PLEKHN1: variants seen among roughly 807,000 people sequenced by gnomAD.
PLEKHN1 encodes the protein pleckstrin homology domain containing N1, also known as pleckstrin homology domain-containing family N member 1.
PLEKHN1 carries 68 observed loss-of-function variants against 72.8 expected under a neutral mutation model. The ratio of observed to expected loss-of-function variants is 0.93; its 90% CI spans 0.77 to 1.14. The LOEUF (loss-of-function observed/expected upper bound fraction) is 1.14, where lower values mean the gene tolerates loss of function less well. PLEKHN1 is among the 50% of genes most tolerant of loss of function. The probability of loss-of-function intolerance (pLI) is 0.00; values close to 1 mark genes in which losing one functional copy is unlikely to be tolerated. For missense variants in PLEKHN1, 1,015 were observed against 840.5 expected, an observed-to-expected ratio of 1.21 and a Z score of -2.57; for synonymous variants, 454 against 371.6, an observed-to-expected ratio of 1.22 and a Z score of -2.55.
chr1:972,758 T>G (rs1643405874), intron 10 of PLEKHN1, 103 bp from the exon 11 acceptor site: 1 of 1,380,332 alleles, frequency 7.2e-7, no homozygotes, highest in African/African-American at 1.5e-5. Context: ...AGAATAAGAC[T>G]TCGTCCCAAA....
At chr1:971,092 G>A (rs201680039) in intron 6 of PLEKHN1, 21 bp from the exon 7 acceptor site, 194 of 1,585,834 alleles carry the variant, frequency 1.2e-4, no homozygotes, top group Admixed American at 1.2e-3. Flanking sequence ...CTGCGGAGAC[G>A]AACTCCCCTG....
chr1:969,568 A>G (rs1032073275), intron 2 of PLEKHN1, among the ~76,000 whole-genome samples: 7 of 150,968 alleles, frequency 4.6e-5, no homozygotes, highest in African/African-American at 1.7e-4. Context: ...ATACATGTGT[A>G]TGGGTGTATT....
At position 966,729 on chromosome 1, in the gene PLEKHN1, G is replaced by T. The variant is rs775871856; in HGVS notation, c.109G>T (p.Gly37Cys). The T allele has an allele frequency of 6.4e-7, 1 of 1,572,940 alleles. No homozygotes were observed. The highest frequency in any genetic ancestry group is 2.4e-5 in the East Asian group (1 of 42,274). ...NREDSARMSA[G>C]LPGPEAARSG... ...AGAGGACAGCGCGCGGATGTCGGCC[G>T]GCCTGCCGGGCCCCGAGGCTGCTCG... Residue 37 changes from glycine to cysteine, a missense_variant, in exon 2 of 16, where the codon GGC becomes TGC. By Grantham distance (159) the Gly-to-Cys change is radical. Transcript: ENST00000379410.
chr1:969,321 CTGTGTGTGCG>C (rs1000735520), intron 2 of PLEKHN1, among the ~76,000 whole-genome samples: 3 of 152,204 alleles, frequency 2.0e-5, no homozygotes, highest in Non-Finnish European at 2.9e-5. Context: ...GGAAGTGTGT[CTGTGTGTGCG>C]TGTGTGTGCA....
Position 970,841 on chromosome 1 carries a change from G to A in PLEKHN1, c.485-38G>A, listed in dbSNP as rs746332344. On this transcript the variant is annotated intron_variant, in intron 5 of 15. Transcript: ENST00000379410. This position sits in a 1 kb window ranked among gnomAD's most constrained non-coding sequence, Gnocchi z 4.2. ...GGCCTGCCCTGTGGCTGCGGAGCACGTGTGTGTATGTGTGTGCCCTCTCTG... is the reference window on the plus strand; with the variant it reads ...GGCCTGCCCTGTGGCTGCGGAGCACATGTGTGTATGTGTGTGCCCTCTCTG... 31 of 1,612,198 alleles carry A rather than the reference G, an allele frequency of 1.9e-5. 1 individual carries two copies. In the South Asian group the frequency reaches 2.6e-4, roughly 14 times the overall value.
intron 1 of PLEKHN1, 44 bp from the exon 2 acceptor site, chr1:966,660 C>T (rs2100442457): frequency 1.3e-6 from 2 of 1,587,260 alleles, no homozygotes; most frequent in Non-Finnish European, 1.7e-6. Context: ...GGCTCCCCCA[C>T]CCGCTCCGGG....
In PLEKHN1 at chr1:975,674, T is replaced by TAG. The variant is rs1047553908; in HGVS notation, c.*1099_*1100insAG. ...GTGAGGAGGCTGCCCATCCCCTCTT[T>TAG]GAGGCCACCCTGTGTCCTCTCCCCT... On this transcript the variant is annotated 3_prime_UTR_variant, in exon 16 of 16. Coordinates refer to ENST00000379410, the MANE Select transcript of PLEKHN1 (RefSeq NM_032129.3). 6.4e-6 allele frequency: 1 copy of TAG among 155,912 alleles called. No individual in the cohort carries two copies. The highest frequency in any genetic ancestry group is 1.4e-5 in the Non-Finnish European group (1 of 70,596). The allele number at this position is 155,912 out of a possible 1,614,324, so 9.7% of individuals were successfully genotyped here.
rs748530313 is a variant in PLEKHN1 at position 974,504 on chromosome 1, T to A, written c.1765T>A (p.Ser589Thr). 1.6e-5 allele frequency: 25 copies of A among 1,612,672 alleles called. No homozygotes were observed. The Admixed American group carries it at 4.2e-4, about 27-fold the overall frequency. ...CGACCACCTCTGGGACGAGACTTTG[T>A]CTTCCTCCCACCAGAAGTGCCCCCA... ...GYDHLWDETL[S>T]SSHQKCPQLG... Residue 589 changes from serine to threonine, a missense_variant, in exon 16 of 16, where the codon TCT becomes ACT. Transcript: ENST00000379410.
At position 966,601 on chromosome 1, in the gene PLEKHN1, C is replaced by T; in HGVS notation, c.70C>T (p.Leu24=). The T allele has an allele frequency of 6.2e-7, 1 of 1,610,804 alleles. No homozygotes were observed. The highest frequency in any genetic ancestry group is 8.5e-7 in the Non-Finnish European group (1 of 1,178,650). Residue 24 remains leucine (L), a synonymous_variant, in exon 1 of 16, where the codon CTG becomes TTG. Coordinates refer to ENST00000379410, the MANE Select transcript of PLEKHN1 (RefSeq NM_032129.3). Reference sequence around the variant, plus strand: ...GGCCTCCTTCTCCAGAAAGCCCTCGCTGAAGGGAAACAGGTGAGCGGGGCG... The same window carrying T: ...GGCCTCCTTCTCCAGAAAGCCCTCGTTGAAGGGAAACAGGTGAGCGGGGCG... ...LRASFSRKPS[L]KGNREDSARM...
At chr1:974,075 TGTGCCCC>T (rs1643489933) in intron 14 of PLEKHN1, 24 bp downstream of exon 14, 1 of 1,553,970 alleles carries the variant, frequency 6.4e-7, no homozygotes, top group African/African-American at 1.4e-5. Context: ...CCCACGCCCG[TGTGCCCC>T]GGGCTCCGGG....
In PLEKHN1 at chr1:973,890, G is replaced by A; in HGVS notation, c.1492G>A (p.Val498Met). The A allele has an allele frequency of 3.7e-6, 6 of 1,611,156 alleles. No homozygotes were observed. The highest frequency in any genetic ancestry group is 5.1e-6 in the Non-Finnish European group (6 of 1,179,866). ...GPTPSSPLPSVPVSVPASDPR... is the reference protein window; with the variant it reads ...GPTPSSPLPSMPVSVPASDPR... The stretch of plus-strand genomic sequence containing the variant: ...CACGCCCTCGAGCCCACTCCCCTCG[G>A]TGCCTGTGTCTGTGCCTGCCTCTGA... The change falls in exon 14 of 16, where the codon GTG (valine) becomes ATG (methionine). Residue 498 changes from valine (V) to methionine (M), a missense_variant. Coordinates refer to ENST00000379410, the MANE Select transcript of PLEKHN1 (RefSeq NM_032129.3).
Position 970,495 on chromosome 1 carries a change from C to A in PLEKHN1, c.331-26C>A, listed in dbSNP as rs1643251977. 15 of 1,612,988 alleles carry A rather than the reference C, an allele frequency of 9.3e-6. No individual in the cohort carries two copies. Among genetic ancestry groups the A allele is most frequent in the African/African-American group, 1.3e-5 (1 of 74,920 alleles). On this transcript the variant is annotated intron_variant, in intron 3 of 15. Coordinates refer to ENST00000379410, the MANE Select transcript of PLEKHN1 (RefSeq NM_032129.3). The surrounding 1 kb of genome is among the most constrained non-coding windows in gnomAD (Gnocchi z 4.2). Reference sequence around the variant, plus strand: ...TCAGCCTGGGGCTCCCCAGACTCCGCACTGACGACCCTGCTCCCCGCGCAG... The same window carrying A: ...TCAGCCTGGGGCTCCCCAGACTCCGAACTGACGACCCTGCTCCCCGCGCAG...
intron 8 of PLEKHN1, among the ~76,000 whole-genome samples, chr1:971,703 C>T (rs1643337610): frequency 6.6e-6 from 1 of 152,202 alleles, no homozygotes; most frequent in South Asian, 2.1e-4. Flanking sequence ...TGTGTGTGCA[C>T]ACGTGCGTGT....
intron 14 of PLEKHN1, 75 bp downstream of exon 14, chr1:974,126 C>T: frequency 1.3e-6 from 2 of 1,495,308 alleles, no homozygotes; most frequent in East Asian, 2.4e-5. Context: ...CCTCTTGGGA[C>T]TCTGAGGGAG....
Position 966,644 on chromosome 1 carries a change from G to A in PLEKHN1, c.83+30G>A, listed in dbSNP as rs181910588. 2.9e-4 allele frequency: 458 copies of A among 1,596,936 alleles called. 1 individual carries two copies. The African/African-American group carries it at 5.4e-3, about 19-fold the overall frequency. On this transcript the variant is annotated intron_variant, in intron 1 of 15. Coordinates refer to ENST00000379410, the MANE Select transcript of PLEKHN1 (RefSeq NM_032129.3). ...GCGGGGCGTGGGTGCGGCCACCTGGGCGCAGGGCTCCCCCACCCGCTCCGG... is the reference window on the plus strand; with the variant it reads ...GCGGGGCGTGGGTGCGGCCACCTGGACGCAGGGCTCCCCCACCCGCTCCGG...
chr1:973,563 T>A lies in PLEKHN1; in HGVS notation c.1357T>A (p.Ser453Thr), dbSNP rs1471540869. Residue 453 changes from serine (S) to threonine (T), a missense_variant, in exon 13 of 16, where the codon TCG (serine) becomes ACG (threonine). By Grantham distance (58) the Ser-to-Thr change is moderately conservative. Coordinates refer to ENST00000379410, the MANE Select transcript of PLEKHN1 (RefSeq NM_032129.3). ...APDHTSETSHSPLYADPYTPP... is the reference protein window; with the variant it reads ...APDHTSETSHTPLYADPYTPP... ...TGACCACACTTCGGAAACATCACAC[T>A]CGCCCCTCTATGCCGACCCCTACAC... The A allele has an allele frequency of 1.2e-6, 2 of 1,612,786 alleles. No individual in the cohort carries two copies. Among genetic ancestry groups the A allele is most frequent in the Non-Finnish European group, 1.7e-6 (2 of 1,179,874 alleles).
rs755359219 is a variant in PLEKHN1 at position 971,358 on chromosome 1, C to T, written c.743C>T (p.Thr248Met). Reference sequence around the variant, plus strand: ...GACCGGCTCTTGGTCCTGTACCCAACGTCCTTGGCCATTTTCTCCGAGGAG... The same window carrying T: ...GACCGGCTCTTGGTCCTGTACCCAATGTCCTTGGCCATTTTCTCCGAGGAG... ...QWDRLLVLYP[T>M]SLAIFSEELD... The change falls in exon 8 of 16, where the codon ACG becomes ATG. Residue 248 changes from threonine (T) to methionine (M), a missense_variant. Physicochemically the swap from Thr to Met is moderately conservative, Grantham distance 81. Transcript: ENST00000379410. The T allele has an allele frequency of 3.5e-5, 56 of 1,590,176 alleles. No homozygotes were observed. Among genetic ancestry groups the T allele is most frequent in the Middle Eastern group, 2.1e-4 (1 of 4,840 alleles).
At chr1:968,089 T>A (rs1643105110) in intron 2 of PLEKHN1, among the ~76,000 whole-genome samples, 3 of 152,246 alleles carry the variant, frequency 2.0e-5, no homozygotes, top group Admixed American at 6.5e-5. Context: ...TGAGCTGCGC[T>A]GCAGGGCCAG....
Position 966,756 on chromosome 1 carries a change from A to G in PLEKHN1, c.136A>G (p.Ser46Gly). The G allele has an allele frequency of 1.9e-6, 3 of 1,574,676 alleles. No homozygotes were observed. The highest frequency in any genetic ancestry group is 4.7e-5 in the East Asian group (2 of 42,450). The change falls in exon 2 of 16, where the codon AGC becomes GGC. Residue 46 changes from serine to glycine, a missense_variant. By Grantham distance (56) the Ser-to-Gly change is moderately conservative. Transcript: ENST00000379410. ...CCTGCCGGGCCCCGAGGCTGCTCGA[A>G]GCGGGGACGCCGCCGCCAACAAGCT... The part of the protein sequence containing the change: ...AGLPGPEAAR[S>G]GDAAANKLFH...
Sources: allele counts gnomAD v4.1 joint callset (sites outside exome capture counted in the v4.1 genomes callset), GRCh38; gene constraint gnomAD v4.1.1; non-coding constraint Gnocchi (gnomAD v3.1); transcripts MANE v1.5; gene names NCBI Gene and HGNC (gene_info 2026-07-23, HGNC 2026-07-21).